Variants in CYFIP2 observed in about 807,000 individuals in gnomAD.
CYFIP2 encodes the protein cytoplasmic FMR1 interacting protein 2.
Under a neutral mutation model 158.7 loss-of-function variants are expected in CYFIP2, and 29 were observed. The observed-to-expected ratio is 0.18, with a 90% CI of 0.14 to 0.25. The LOEUF is 0.25. CYFIP2 is among the 10% of genes least tolerant of loss of function. The pLI is 1.00. For synonymous variants in CYFIP2, 585 were observed against 617.6 expected, an observed-to-expected ratio of 0.95 and a Z score of 0.78; for missense variants, 852 against 1,639.5, an observed-to-expected ratio of 0.52 and a Z score of 8.29.
At chr5:157,321,375 A>G (rs766531597) in intron 15 of CYFIP2, among the ~76,000 whole-genome samples, 6 of 152,242 alleles carry the variant, frequency 3.9e-5, no homozygotes, top group Non-Finnish European at 8.8e-5. Context: ...CAAAAGTGCA[A>G]GTATTGAAAG....
At chr5:157,390,149 T>G (rs963659289) in intron 29 of CYFIP2, among the ~76,000 whole-genome samples, 1 of 152,192 alleles carries the variant, frequency 6.6e-6, no homozygotes, top group Non-Finnish European at 1.5e-5. Context: ...TGCTAGGTGT[T>G]CTTTTAGCTC....
At chr5:157,325,164 T>C (rs1470129972) in intron 16 of CYFIP2, among the ~76,000 whole-genome samples, 5 of 152,036 alleles carry the variant, frequency 3.3e-5, no homozygotes, top group Admixed American at 2.6e-4. Context: ...CATGCTTAGG[T>C]TGCAGGTTTT....
chr5:157,301,029 A>G (rs926719938), intron 6 of CYFIP2, 133 bp downstream of exon 6: 6 of 738,648 alleles, frequency 8.1e-6, no homozygotes, highest in Admixed American at 3.4e-5. Flanking sequence ...TCCCCCAAAC[A>G]TAGTGAGGCT....
chr5:157,319,656 C>G, intron 13 of CYFIP2, 106 bp from the exon 14 acceptor site: 1 of 1,406,526 alleles, frequency 7.1e-7, no homozygotes, highest in Admixed American at 2.2e-5. Context: ...TGGCCTCATG[C>G]CTCTGGACAT....
intron 1 of CYFIP2, 135 bp from the exon 2 acceptor site, chr5:157,285,202 AAG>A (rs1335662643): frequency 1.6e-6 from 1 of 612,034 alleles, no homozygotes. Flanking sequence ...GCACCTTGGG[AAG>A]AAGTGGTGAG....
chr5:157,360,204 C>T, intron 24 of CYFIP2, 78 bp from the exon 25 acceptor site: 1 of 1,218,060 alleles, frequency 8.2e-7, no homozygotes, highest in Non-Finnish European at 1.2e-6. Context: ...GCCCCATCCT[C>T]TCAGAGGTCT....
chr5:157,311,638 C>T lies in CYFIP2; in HGVS notation c.993-26C>T, dbSNP rs1342371106. 1.3e-6 allele frequency: 2 copies of T among 1,576,250 alleles called. No homozygotes were observed. Among genetic ancestry groups the T allele is most frequent in the Non-Finnish European group, 1.7e-6 (2 of 1,160,904 alleles). ...CCCAGGCGCCTGAGGCTGGGACCCT[C>T]TCCGACCCCATAATTTTCTACCCAG... On this transcript the variant is annotated intron_variant, in intron 10 of 30. Coordinates refer to ENST00000620254, the MANE Select transcript of CYFIP2 (RefSeq NM_001037333.3). The surrounding 1 kb of genome is among the most constrained non-coding windows in gnomAD (Gnocchi z 4.7).
chr5:157,372,419 T>A (rs1335160907), intron 26 of CYFIP2, among the ~76,000 whole-genome samples: 1 of 152,246 alleles, frequency 6.6e-6, no homozygotes, highest in African/African-American at 2.4e-5. Context: ...TATTCATTAT[T>A]CCTTCAAATA....
At chr5:157,383,614 A>G (rs1766348627) in intron 28 of CYFIP2, 5 of 383,530 alleles carry the variant, frequency 1.3e-5, no homozygotes, top group Non-Finnish European at 2.4e-5. Flanking sequence ...TTAAACAAGT[A>G]TCTACTGTGT....
At position 157,307,873 on chromosome 5, in the gene CYFIP2, A is replaced by G; in HGVS notation, c.900+8A>G. On this transcript the variant is annotated splice_region_variant and intron_variant, in intron 9 of 30. Transcript: ENST00000620254. ...ATTGATAAATTCTTTAAGGTCAGCA[A>G]CTGGGGCTGGGGCTGGGCAGAGGGC... is the stretch of plus-strand genomic sequence containing the variant. 1.3e-6 allele frequency: 2 copies of G among 1,537,520 alleles called. No homozygotes were observed. The highest frequency in any genetic ancestry group is 8.9e-7 in the Non-Finnish European group (1 of 1,120,284).
intron 13 of CYFIP2, among the ~76,000 whole-genome samples, chr5:157,315,474 A>G (rs6883169): frequency 0.32 from 48,642 of 152,112 alleles, 8,574 homozygotes; most frequent in African/African-American, 0.47. Flanking sequence ...GAGATTTGAC[A>G]GCTGGATGAT....
At chr5:157,309,948 C>T (rs1360198708) in intron 10 of CYFIP2, 114 bp downstream of exon 10, 2 of 1,028,848 alleles carry the variant, frequency 1.9e-6, no homozygotes. Context: ...CAGGTGGATT[C>T]CATCAGAACA....
intron 1 of CYFIP2, among the ~76,000 whole-genome samples, chr5:157,277,353 C>T (rs551958378): frequency 2.0e-5 from 3 of 151,852 alleles, no homozygotes; most frequent in African/African-American, 7.3e-5. Context: ...CCACCAAGTC[C>T]GGTCTTATCT....
chr5:157,288,015 C>A (rs1398026195), intron 3 of CYFIP2, among the ~76,000 whole-genome samples: 1 of 151,962 alleles, frequency 6.6e-6, no homozygotes, highest in East Asian at 1.9e-4. Flanking sequence ...ATTGCTTGAG[C>A]CCAGGAGGTT....
intron 5 of CYFIP2, among the ~76,000 whole-genome samples, chr5:157,299,590 G>A (rs1319085668): frequency 1.3e-5 from 2 of 151,954 alleles, no homozygotes; most frequent in African/African-American, 4.8e-5. Flanking sequence ...ATTGTTTTCT[G>A]TCTTCTCTCA....
chr5:157,394,685 AT>A lies in CYFIP2; in HGVS notation c.*1687del, dbSNP rs1767610555. The A allele has an allele frequency of 6.6e-6, 1 of 152,220 alleles. No individual in the cohort carries two copies. The highest frequency in any genetic ancestry group is 2.4e-5 in the African/African-American group (1 of 41,450). 9.4% of individuals were successfully genotyped at this position (152,220 alleles called of 1,614,324 possible). On this transcript the variant is annotated 3_prime_UTR_variant, in exon 31 of 31. Coordinates refer to ENST00000620254, the MANE Select transcript of CYFIP2 (RefSeq NM_001037333.3). ...TGGGAACCACTGCTGTAAGGGAATC[AT>A]TCTGGTCACCTTGAGCTTTGAGCTA...
At chr5:157,300,929 A>C in intron 6 of CYFIP2, 33 bp downstream of exon 6, 1 of 1,499,144 alleles carries the variant, frequency 6.7e-7, no homozygotes, top group Non-Finnish European at 9.0e-7. Flanking sequence ...CCCTTTCCCC[A>C]TCCAGGCCCC....
Position 157,383,374 on chromosome 5 carries a change from T to A in CYFIP2, c.3207+15T>A, listed in dbSNP as rs1766322122. The A allele has an allele frequency of 6.2e-7, 1 of 1,608,420 alleles. No homozygotes were observed. The highest frequency in any genetic ancestry group is 1.7e-5 in the Admixed American group (1 of 59,902). ...GGACCCCTCAGGTACCAATCTTATA[T>A]AATAAATGGGCTCTGATCACTGACA... On this transcript the variant is annotated intron_variant, in intron 28 of 30. Coordinates refer to ENST00000620254, the MANE Select transcript of CYFIP2 (RefSeq NM_001037333.3).
At chr5:157,341,267 G>A in intron 23 of CYFIP2, 110 bp downstream of exon 23, 1 of 1,029,168 alleles carries the variant, frequency 9.7e-7, no homozygotes, top group South Asian at 1.4e-5. Flanking sequence ...AGGCAGCAAT[G>A]AGGTCAGGCA....
Sources: allele counts gnomAD v4.1 joint callset (sites outside exome capture counted in the v4.1 genomes callset), GRCh38; gene constraint gnomAD v4.1.1; non-coding constraint Gnocchi (gnomAD v3.1); transcripts MANE v1.5; gene names NCBI Gene and HGNC (gene_info 2026-07-23, HGNC 2026-07-21).